PPFIA2: variants seen among roughly 807,000 people sequenced by gnomAD.
PPFIA2 encodes PPFI scaffold protein A2.
A neutral mutation model predicts 175.5 loss-of-function variants in PPFIA2; 46 were observed. The observed-to-expected ratio is 0.26, with a 90% CI of 0.21 to 0.34. The LOEUF is 0.34. Among genes scored for constraint, PPFIA2 ranks in the 10% least tolerant of loss-of-function variants. The pLI, the probability that PPFIA2 is intolerant of heterozygous loss-of-function variation, is 1.00. For synonymous variants in PPFIA2, 568 were observed against 511.4 expected, an observed-to-expected ratio of 1.11 and a Z score of -1.49; for missense variants, 1,179 against 1,506.1, an observed-to-expected ratio of 0.78 and a Z score of 3.60.
chr12:81,520,677 A>G (rs2063011925), intron 4 of PPFIA2, among the ~76,000 whole-genome samples: 1 of 152,202 alleles, frequency 6.6e-6, no homozygotes. Flanking sequence ...GATCTGAAGG[A>G]TAGGAAGTAG....
chr12:81,706,273 G>C (rs908789448), intron 3 of PPFIA2, among the ~76,000 whole-genome samples: 2 of 152,110 alleles, frequency 1.3e-5, no homozygotes, highest in Non-Finnish European at 2.9e-5. Flanking sequence ...CATAAGTATT[G>C]TCTTATCCAT....
chr12:81,744,221 G>A (rs1387882183), intron 3 of PPFIA2, among the ~76,000 whole-genome samples: 1 of 151,916 alleles, frequency 6.6e-6, no homozygotes, highest in Non-Finnish European at 1.5e-5. Context: ...CTGATAAAAT[G>A]GATCTTATAG....
At chr12:81,730,584 A>T (rs1281379491) in intron 3 of PPFIA2, among the ~76,000 whole-genome samples, 2 of 151,582 alleles carry the variant, frequency 1.3e-5, no homozygotes, top group Non-Finnish European at 3.0e-5. Flanking sequence ...CACCCTTGAC[A>T]TGTGGGGATT....
At chr12:81,440,414 A>G (rs1305378448) in intron 6 of PPFIA2, among the ~76,000 whole-genome samples, 1 of 150,710 alleles carries the variant, frequency 6.6e-6, no homozygotes, top group Non-Finnish European at 1.5e-5. Context: ...ACAAATAGGA[A>G]AAAAAAATAC....
intron 4 of PPFIA2, among the ~76,000 whole-genome samples, chr12:81,497,748 A>G (rs1241919009): frequency 1.3e-5 from 2 of 152,180 alleles, no homozygotes; most frequent in East Asian, 3.9e-4. Context: ...CATGTTGATC[A>G]GGCTGGTCTC....
intron 4 of PPFIA2, among the ~76,000 whole-genome samples, chr12:81,568,628 T>C (rs992962417): frequency 1.3e-5 from 2 of 152,174 alleles, no homozygotes; most frequent in Non-Finnish European, 2.9e-5. Flanking sequence ...AGTCTTTCCA[T>C]CCTACAGGGG....
chr12:81,413,004 T>TTTTAAGTC (rs2044273976), intron 7 of PPFIA2, among the ~76,000 whole-genome samples: 1 of 151,876 alleles, frequency 6.6e-6, no homozygotes, highest in Admixed American at 6.6e-5. Flanking sequence ...GTCACTTAGC[T>TTTTAAGTC]TTTAAGTCTT....
At chr12:81,477,886 T>C (rs1251555251) in intron 4 of PPFIA2, among the ~76,000 whole-genome samples, 1 of 151,996 alleles carries the variant, frequency 6.6e-6, no homozygotes, top group Non-Finnish European at 1.5e-5. Context: ...TTGTTGGATC[T>C]CTGCCAGGTT....
intron 4 of PPFIA2, among the ~76,000 whole-genome samples, chr12:81,553,000 G>T (rs2068193972): frequency 6.6e-6 from 1 of 151,874 alleles, no homozygotes; most frequent in Non-Finnish European, 1.5e-5. Context: ...CATCACTGAG[G>T]ACACAGAAAT....
chr12:81,589,202 T>G (rs1296349748), intron 4 of PPFIA2, among the ~76,000 whole-genome samples: 1 of 152,058 alleles, frequency 6.6e-6, no homozygotes, highest in Non-Finnish European at 1.5e-5. Context: ...TCATATAATA[T>G]ACAGCCTAGC....
chr12:81,654,155 A>T (rs1347277932), intron 4 of PPFIA2, among the ~76,000 whole-genome samples: 3 of 152,022 alleles, frequency 2.0e-5, no homozygotes, highest in Admixed American at 6.6e-5. Flanking sequence ...AAATTTAAAA[A>T]ATCTGTGGAT....
intron 9 of PPFIA2, among the ~76,000 whole-genome samples, chr12:81,380,511 G>A (rs1328527907): frequency 1.3e-5 from 2 of 150,854 alleles, no homozygotes; most frequent in African/African-American, 2.5e-5. Flanking sequence ...TTTTAAGTAC[G>A]TGATTTTCAC....
At chr12:81,469,637 G>A (rs1439134008) in intron 4 of PPFIA2, among the ~76,000 whole-genome samples, 4 of 152,186 alleles carry the variant, frequency 2.6e-5, no homozygotes, top group African/African-American at 4.8e-5. Context: ...AATACATAGA[G>A]GTAAATCTTT....
chr12:81,532,093 T>A (rs980690298), intron 4 of PPFIA2, among the ~76,000 whole-genome samples: 4 of 151,824 alleles, frequency 2.6e-5, no homozygotes, highest in African/African-American at 9.7e-5. Flanking sequence ...AAATTGTCTT[T>A]GGAAATAAAA....
In PPFIA2 at chr12:81,745,264, A is replaced by G. The variant is rs1259901542; in HGVS notation, c.249+8709T>C. 5.9e-5 allele frequency among the ~76,000 whole-genome samples: 9 copies of G among 152,126 alleles called. No homozygotes were observed. The East Asian group carries it at 1.4e-3, about 23-fold the overall frequency. ...CATCTAACCTAAAGTTTCTCCCCTT[A>G]CACTTGGTTCAGGCTTACTTCAAGC... On this transcript the variant is annotated intron_variant, in intron 3 of 32. Transcript: ENST00000549396.
chr12:81,529,097 C>A (rs556969889), intron 4 of PPFIA2, among the ~76,000 whole-genome samples: 2 of 151,970 alleles, frequency 1.3e-5, no homozygotes, highest in Non-Finnish European at 2.9e-5. Flanking sequence ...ACTAGCATGA[C>A]TTCATCTGGA....
intron 3 of PPFIA2, among the ~76,000 whole-genome samples, chr12:81,691,437 G>A (rs1468490494): frequency 2.0e-5 from 3 of 152,032 alleles, no homozygotes; most frequent in African/African-American, 4.8e-5. Context: ...CCTGTGTGTG[G>A]GAGGACTCTG....
At chr12:81,361,299 C>T (rs1007045537) in intron 15 of PPFIA2, among the ~76,000 whole-genome samples, 20 of 151,604 alleles carry the variant, frequency 1.3e-4, no homozygotes, top group African/African-American at 3.4e-4. Context: ...TGCATTGACT[C>T]CCCTGATATT....
chr12:81,336,030 C>A (rs1357640757), intron 21 of PPFIA2, among the ~76,000 whole-genome samples: 1 of 152,102 alleles, frequency 6.6e-6, no homozygotes, highest in South Asian at 2.1e-4. Context: ...ATTTTCTGCC[C>A]ATACACTGAT....
Sources: allele counts gnomAD v4.1 joint callset (sites outside exome capture counted in the v4.1 genomes callset), GRCh38; gene constraint gnomAD v4.1.1; transcripts MANE v1.5; gene names NCBI Gene and HGNC (gene_info 2026-07-23, HGNC 2026-07-21).